Variants in NUBPL observed in about 807,000 individuals in gnomAD.
NUBPL encodes the protein NUBP iron-sulfur cluster assembly factor, mitochondrial, also known as iron-sulfur cluster transfer protein NUBPL.
A neutral mutation model predicts 45.7 loss-of-function variants in NUBPL; 31 were observed. The observed-to-expected ratio is 0.68, with a 90% confidence interval of 0.51 to 0.92. The LOEUF (loss-of-function observed/expected upper bound fraction) is 0.92. NUBPL is among the 40% of genes least tolerant of loss of function. The pLI is 0.00. For synonymous variants in NUBPL, 144 were observed against 140.9 expected (o/e 1.02, Z -0.15); for missense variants, 401 against 398.7 (o/e 1.01, Z -0.05).
intron 3 of NUBPL, among the ~76,000 whole-genome samples, chr14:31,595,023 A>T (rs541603306): frequency 6.6e-6 from 1 of 152,242 alleles, no homozygotes; most frequent in African/African-American, 2.4e-5. Flanking sequence ...GGAACATATC[A>T]TGAAGCTTTA....
At chr14:31,578,085 C>T in intron 3 of NUBPL, 1 of 718,470 alleles carries the variant, frequency 1.4e-6, no homozygotes, top group Non-Finnish European at 2.1e-6. Flanking sequence ...GAATGCATTA[C>T]TGGGTTTTCT....
At chr14:31,670,267 C>T (rs2036540939) in intron 4 of NUBPL, among the ~76,000 whole-genome samples, 1 of 152,098 alleles carries the variant, frequency 6.6e-6, no homozygotes, top group Non-Finnish European at 1.5e-5. Context: ...GTTTTGGCTG[C>T]ATGTATGTCT....
chr14:31,704,863 T>A (rs771996748), intron 6 of NUBPL, among the ~76,000 whole-genome samples: 2 of 152,180 alleles, frequency 1.3e-5, no homozygotes, highest in Non-Finnish European at 2.9e-5. Context: ...ACTTCAAGAA[T>A]GAAGCCGCGG....
intron 6 of NUBPL, among the ~76,000 whole-genome samples, chr14:31,734,123 T>G (rs1263515205): frequency 6.6e-6 from 1 of 152,228 alleles, no homozygotes; most frequent in Non-Finnish European, 1.5e-5. Context: ...ATTATTATTT[T>G]TATATTTTGC....
intron 6 of NUBPL, among the ~76,000 whole-genome samples, chr14:31,780,355 CACT>C (rs2138794041): frequency 6.6e-6 from 1 of 152,252 alleles, no homozygotes; most frequent in East Asian, 1.9e-4. Flanking sequence ...AGGCGTGAGC[CACT>C]GTGCCCGGCT....
At chr14:31,596,718 T>C (rs1312610394) in intron 3 of NUBPL, among the ~76,000 whole-genome samples, 1 of 152,246 alleles carries the variant, frequency 6.6e-6, no homozygotes, top group East Asian at 1.9e-4. Context: ...GTTAGCATTT[T>C]CATGTTTAAT....
At chr14:31,615,016 T>C (rs2034858957) in intron 4 of NUBPL, among the ~76,000 whole-genome samples, 1 of 152,170 alleles carries the variant, frequency 6.6e-6, no homozygotes, top group Non-Finnish European at 1.5e-5. Flanking sequence ...ATAGTTTGGC[T>C]CTGTATCCCC....
chr14:31,693,812 A>AC (rs1350568873), intron 6 of NUBPL, among the ~76,000 whole-genome samples: 21 of 150,086 alleles, frequency 1.4e-4, no homozygotes, highest in African/African-American at 9.7e-5. Flanking sequence ...AAAAAAAAAA[A>AC]AAAAAAAAAA....
intron 6 of NUBPL, among the ~76,000 whole-genome samples, chr14:31,750,996 G>A (rs1252252257): frequency 1.3e-5 from 2 of 152,114 alleles, no homozygotes; most frequent in African/African-American, 4.8e-5. Flanking sequence ...GAGAGAGAGT[G>A]AAGAGGGAAG....
intron 8 of NUBPL, among the ~76,000 whole-genome samples, chr14:31,841,917 CTTTTTT>C (rs547795007): frequency 3.9e-4 from 17 of 43,050 alleles, no homozygotes; most frequent in East Asian, 8.1e-4. Context: ...CGATTCTGGG[CTTTTTT>C]TTTTTTTTTT....
intron 6 of NUBPL, among the ~76,000 whole-genome samples, chr14:31,705,869 G>T (rs2037438878): frequency 6.6e-6 from 1 of 152,194 alleles, no homozygotes; most frequent in Non-Finnish European, 1.5e-5. Context: ...AGCCCAGCAG[G>T]TGCTGGCTGG....
intron 4 of NUBPL, among the ~76,000 whole-genome samples, chr14:31,640,359 G>C (rs1021323770): frequency 6.6e-6 from 1 of 152,256 alleles, no homozygotes; most frequent in East Asian, 1.9e-4. Context: ...CAGCACTTCG[G>C]GAGGCCAAGG....
At chr14:31,662,395 A>G (rs918122429) in intron 4 of NUBPL, among the ~76,000 whole-genome samples, 1 of 151,946 alleles carries the variant, frequency 6.6e-6, no homozygotes. Context: ...GGTTTGCTGC[A>G]TCTGTCAACG....
intron 4 of NUBPL, among the ~76,000 whole-genome samples, chr14:31,644,890 T>A (rs189608194): frequency 3.9e-5 from 6 of 152,258 alleles, no homozygotes; most frequent in Admixed American, 1.3e-4. Context: ...CCCTTTATTA[T>A]TATTGAATGA....
intron 6 of NUBPL, among the ~76,000 whole-genome samples, chr14:31,709,732 T>C (rs2037528956): frequency 6.6e-6 from 1 of 152,202 alleles, no homozygotes; most frequent in Non-Finnish European, 1.5e-5. Flanking sequence ...AGGGGACATG[T>C]ACCCAGGTTG....
chr14:31,800,384 T>G (rs1274173237), intron 7 of NUBPL, among the ~76,000 whole-genome samples: 2 of 152,212 alleles, frequency 1.3e-5, no homozygotes, highest in African/African-American at 4.8e-5. Context: ...GGGTGTGGTT[T>G]GTGGCACCCC....
intron 4 of NUBPL, among the ~76,000 whole-genome samples, chr14:31,635,449 A>G (rs1328129221): frequency 1.3e-5 from 2 of 151,822 alleles, no homozygotes; most frequent in East Asian, 1.9e-4. Context: ...ATTGGTCTAT[A>G]TCTCTGTTTT....
chr14:31,720,061 C>T (rs2037775855), intron 6 of NUBPL, among the ~76,000 whole-genome samples: 1 of 152,104 alleles, frequency 6.6e-6, no homozygotes, highest in Admixed American at 6.6e-5. Context: ...TCTTTAATCC[C>T]TTTAGCCAAT....
intron 10 of NUBPL, among the ~76,000 whole-genome samples, chr14:31,855,623 GTTTTT>G (rs34242973): frequency 6.8e-5 from 10 of 146,364 alleles, no homozygotes; most frequent in African/African-American, 2.2e-4. Flanking sequence ...TGTTTTTAGA[GTTTTT>G]TTTTTTTTTA....
Sources: gnomAD v4.1 joint callset for allele counts (sites outside exome capture counted in the v4.1 genomes callset) on GRCh38, gnomAD v4.1.1 for gene constraint, MANE v1.5 for transcripts, NCBI Gene and HGNC (gene_info 2026-07-23, HGNC 2026-07-21) for gene names.